Variants in SGCD observed in about 807,000 individuals in gnomAD.
The protein encoded by SGCD is delta-sarcoglycan.
SGCD carries 18 observed loss-of-function variants against 36.6 expected under a neutral mutation model. The observed-to-expected ratio is 0.49, with a 90% CI of 0.34 to 0.73. The LOEUF is 0.73. Among genes scored for constraint, SGCD ranks in the 30% least tolerant of loss-of-function variants. The pLI is 0.01. For missense variants in SGCD, 387 were observed against 346.7 expected, an observed-to-expected ratio of 1.12 and a Z score of -0.92; for synonymous variants, 133 against 130.6, an observed-to-expected ratio of 1.02 and a Z score of -0.12.
intron 7 of SGCD, among the ~76,000 whole-genome samples, chr5:156,726,970 T>C (rs1211147454): frequency 1.3e-5 from 2 of 152,222 alleles, no homozygotes; most frequent in Non-Finnish European, 2.9e-5. Flanking sequence ...TGTCCTATTC[T>C]CTACATTTAG....
At chr5:156,471,878 A>G (rs1754981606) in intron 3 of SGCD, among the ~76,000 whole-genome samples, 1 of 152,104 alleles carries the variant, frequency 6.6e-6, no homozygotes, top group African/African-American at 2.4e-5. Flanking sequence ...TACATACACA[A>G]CGAATTTATA....
chr5:156,676,338 T>A (rs1356705553), intron 7 of SGCD, among the ~76,000 whole-genome samples: 1 of 152,194 alleles, frequency 6.6e-6, no homozygotes, highest in Non-Finnish European at 1.5e-5. Context: ...ATAAAGTGAC[T>A]GCTGTGTTTT....
chr5:155,742,795 A>G, the SGCD span, among the ~76,000 whole-genome samples: 1 of 152,228 alleles, frequency 6.6e-6, no homozygotes, highest in Admixed American at 6.5e-5. Context: ...TCAGATGCCA[A>G]TCACAAGCTT....
At chr5:156,527,845 T>C (rs1220900561) in intron 4 of SGCD, among the ~76,000 whole-genome samples, 1 of 152,196 alleles carries the variant, frequency 6.6e-6, no homozygotes, top group Non-Finnish European at 1.5e-5. Context: ...CTTGCTGGGA[T>C]TCCACAGACC....
chr5:156,524,694 T>C (rs142541738), intron 4 of SGCD, among the ~76,000 whole-genome samples: 16 of 152,130 alleles, frequency 1.1e-4, no homozygotes, highest in African/African-American at 3.9e-4. Context: ...CCAGAACTTA[T>C]TCACGTTATA....
chr5:156,503,537 G>C (rs138442141), intron 3 of SGCD, among the ~76,000 whole-genome samples: 13 of 152,266 alleles, frequency 8.5e-5, no homozygotes, highest in African/African-American at 2.9e-4. Context: ...GGAACCATAA[G>C]GGCATTACTT....
intron 1 of SGCD, among the ~76,000 whole-genome samples, chr5:156,110,515 T>A (rs1761757510): frequency 6.6e-6 from 1 of 152,144 alleles, no homozygotes; most frequent in Non-Finnish European, 1.5e-5. Flanking sequence ...ACACACTTTC[T>A]GTAATTCTTT....
chr5:156,537,697 TG>T (rs1390719849), intron 4 of SGCD, among the ~76,000 whole-genome samples: 3 of 152,108 alleles, frequency 2.0e-5, no homozygotes, highest in African/African-American at 7.2e-5. Context: ...TCCTCCTAAA[TG>T]TGCCCTGTGA....
intron 3 of SGCD, among the ~76,000 whole-genome samples, chr5:156,409,040 G>C (rs61422788): frequency 1.3e-5 from 2 of 152,094 alleles, no homozygotes; most frequent in African/African-American, 4.8e-5. Context: ...AATAAAAAAT[G>C]CTTACAAAAA....
upstream of SGCD, among the ~76,000 whole-genome samples, chr5:155,865,939 A>G (rs562916803): frequency 1.3e-5 from 2 of 152,182 alleles, no homozygotes; most frequent in Non-Finnish European, 2.9e-5. Flanking sequence ...ATGTTTACCA[A>G]ATACCCAGGT....
At chr5:156,449,413 A>G (rs1753896650) in intron 3 of SGCD, among the ~76,000 whole-genome samples, 1 of 152,112 alleles carries the variant, frequency 6.6e-6, no homozygotes, top group Non-Finnish European at 1.5e-5. Context: ...TGCCTGAGAA[A>G]TTCAGTATGT....
At chr5:156,397,340 T>G (rs1180326051) in intron 3 of SGCD, among the ~76,000 whole-genome samples, 1 of 152,250 alleles carries the variant, frequency 6.6e-6, no homozygotes, top group Admixed American at 6.5e-5. Flanking sequence ...TTGCATATTC[T>G]TTTTTGTTTT....
intron 6 of SGCD, among the ~76,000 whole-genome samples, chr5:156,607,603 A>C (rs1363378974): frequency 2.0e-5 from 3 of 152,208 alleles, no homozygotes; most frequent in African/African-American, 7.2e-5. Context: ...GTTGATTGGA[A>C]TAGTTTCAGA....
chr5:155,886,535 T>A (rs1484293916), intron 1 of SGCD, among the ~76,000 whole-genome samples: 1 of 152,026 alleles, frequency 6.6e-6, no homozygotes, highest in African/African-American at 2.4e-5. Flanking sequence ...TGGGCGCGTG[T>A]GTGTGTGTGC....
chr5:156,548,645 G>A (rs1021462067), intron 4 of SGCD, among the ~76,000 whole-genome samples: 10 of 151,960 alleles, frequency 6.6e-5, no homozygotes, highest in African/African-American at 2.2e-4. Context: ...GTCAAATTCA[G>A]AAGATAGGAC....
intron 3 of SGCD, among the ~76,000 whole-genome samples, chr5:156,186,129 A>G (rs978437859): frequency 6.6e-6 from 1 of 151,696 alleles, no homozygotes. Flanking sequence ...CCTCTAATTT[A>G]TTAATTTACA....
At chr5:155,986,508 TC>T (rs1758333330) in intron 1 of SGCD, among the ~76,000 whole-genome samples, 1 of 152,086 alleles carries the variant, frequency 6.6e-6, no homozygotes. Flanking sequence ...GGCATCAGGC[TC>T]CTCAGAGTTG....
At chr5:156,527,599 C>T (rs1161381228) in intron 4 of SGCD, among the ~76,000 whole-genome samples, 2 of 152,194 alleles carry the variant, frequency 1.3e-5, no homozygotes, top group East Asian at 1.9e-4. Flanking sequence ...CTCTTCATGT[C>T]TCAGTTTCTT....
chr5:156,705,546 C>T (rs116461503), intron 7 of SGCD, among the ~76,000 whole-genome samples: 1 of 152,128 alleles, frequency 6.6e-6, no homozygotes, highest in Non-Finnish European at 1.5e-5. Flanking sequence ...CTGACTGATA[C>T]AAATCCAAAG....
Sources: gnomAD v4.1 joint callset for allele counts (sites outside exome capture counted in the v4.1 genomes callset) on GRCh38, gnomAD v4.1.1 for gene constraint, MANE v1.5 for transcripts, NCBI Gene and HGNC (gene_info 2026-07-23, HGNC 2026-07-21) for gene names.